LRP1B: variants seen among roughly 807,000 people sequenced by gnomAD.
LRP1B encodes the protein LDL receptor related protein 1B, also known as low-density lipoprotein receptor-related protein 1B.
In LRP1B, 217 loss-of-function variants were observed where a neutral mutation model predicts 556.6. The ratio of observed to expected loss-of-function variants is 0.39; its 90% CI spans 0.35 to 0.44. LRP1B has a LOEUF of 0.44. Ranked by LOEUF, LRP1B falls within the 20% of genes least tolerant of loss-of-function variation. LRP1B has a pLI of 1.00. For synonymous variants in LRP1B, 2,047 were observed against 1,865.8 expected, an observed-to-expected ratio of 1.10 and a Z score of -2.50; for missense variants, 5,053 against 5,620.8, an observed-to-expected ratio of 0.90 and a Z score of 3.23.
At chr2:142,081,251 G>GA (rs1705703174) in intron 1 of LRP1B, among the ~76,000 whole-genome samples, 1 of 151,982 alleles carries the variant, frequency 6.6e-6, no homozygotes, top group South Asian at 2.1e-4. Flanking sequence ...CAAGATGGAG[G>GA]AAAAAATATT....
At chr2:140,922,845 A>T (rs1351075387) in intron 21 of LRP1B, 120 bp downstream of exon 21, 24 of 761,662 alleles carry the variant, frequency 3.2e-5, no homozygotes, top group Non-Finnish European at 4.7e-5. Flanking sequence ...ATTATACATG[A>T]GCACATCTGC....
chr2:141,033,876 T>C (rs1452157822), intron 11 of LRP1B, among the ~76,000 whole-genome samples: 1 of 152,262 alleles, frequency 6.6e-6, no homozygotes, highest in South Asian at 2.1e-4. Context: ...AATTTTATAT[T>C]TTTTGTGTTC....
intron 35 of LRP1B, among the ~76,000 whole-genome samples, chr2:140,759,967 A>G (rs1688859898): frequency 6.6e-6 from 1 of 152,186 alleles, no homozygotes; most frequent in Admixed American, 6.6e-5. Flanking sequence ...CTTAAGTAAG[A>G]TTTGGCTTAA....
Position 141,501,914 on chromosome 2 carries a change from CTT to C in LRP1B, c.206-21383_206-21382del, listed in dbSNP as rs10714386. Among the ~76,000 whole-genome samples the C allele has an allele frequency of 9.3e-5, 14 of 151,296 alleles. 1 individual carries two copies. The South Asian group carries it at 2.7e-3, about 29-fold the overall frequency. ...GAGAAAGTGACTGAAACAACTATGG[CTT>C]TTTTTTTTCCTGTCTGTCAAATGTT... On this transcript the variant is annotated intron_variant, in intron 2 of 90. Coordinates refer to ENST00000389484, the MANE Select transcript of LRP1B (RefSeq NM_018557.3).
chr2:141,700,618 TC>T (rs1691908245), intron 2 of LRP1B, among the ~76,000 whole-genome samples: 1 of 151,756 alleles, frequency 6.6e-6, no homozygotes, highest in African/African-American at 2.4e-5. Context: ...GCGCTATTTC[TC>T]AGTGCCATTC....
intron 27 of LRP1B, among the ~76,000 whole-genome samples, chr2:140,860,993 TC>T (rs1469207668): frequency 0.018 from 2,807 of 152,100 alleles, 83 homozygotes; most frequent in African/African-American, 0.063. Flanking sequence ...TATCTATCTA[TC>T]TATCTATCTA....
At chr2:141,969,543 A>C (rs949413063) in intron 1 of LRP1B, among the ~76,000 whole-genome samples, 1 of 151,746 alleles carries the variant, frequency 6.6e-6, no homozygotes, top group Non-Finnish European at 1.5e-5. Flanking sequence ...TATTTCACTT[A>C]TAATGTTCAC....
chr2:141,032,120 T>C (rs942163633), intron 11 of LRP1B, among the ~76,000 whole-genome samples: 14 of 152,048 alleles, frequency 9.2e-5, no homozygotes, highest in Non-Finnish European at 1.8e-4. Flanking sequence ...CAAAAACTTT[T>C]GGATATACTT....
chr2:141,508,718 GTTTTC>G (rs761081139), intron 2 of LRP1B, among the ~76,000 whole-genome samples: 4 of 151,854 alleles, frequency 2.6e-5, no homozygotes, highest in Non-Finnish European at 4.4e-5. Context: ...AGAGGCAAGT[GTTTTC>G]TTTTCAAAGA....
chr2:141,922,664 G>A (rs944935903), intron 1 of LRP1B, among the ~76,000 whole-genome samples: 2 of 152,136 alleles, frequency 1.3e-5, no homozygotes, highest in Non-Finnish European at 2.9e-5. Context: ...TGGAATTGAG[G>A]AGTTCCAGGT....
chr2:140,960,699 T>C (rs1200341536), intron 18 of LRP1B, among the ~76,000 whole-genome samples: 3 of 151,930 alleles, frequency 2.0e-5, no homozygotes, highest in Non-Finnish European at 2.9e-5. Context: ...TAGTTAAAAG[T>C]ACTTTGTCCT....
intron 35 of LRP1B, among the ~76,000 whole-genome samples, chr2:140,737,564 C>G (rs998678968): frequency 5.3e-5 from 8 of 152,156 alleles, no homozygotes; most frequent in African/African-American, 1.9e-4. Context: ...TGAACACCAA[C>G]ACTAGTTAAT....
rs1355794089 is a variant in LRP1B, at chr2:140,550,165, CTT to C, written c.7195-8196_7195-8195del. On this transcript the variant is annotated intron_variant, in intron 43 of 90. Coordinates refer to ENST00000389484, the MANE Select transcript of LRP1B (RefSeq NM_018557.3). The stretch of plus-strand genomic sequence containing the variant: ...TCAAATGACCTGGCTGCACTCAAGA[CTT>C]TTAAAAACCTGGATTGAAAATTGCA... Among the ~76,000 whole-genome samples, 3 of 151,882 alleles carry C rather than the reference CTT, an allele frequency of 2.0e-5. No individual in the cohort carries two copies. In the South Asian group the frequency reaches 6.2e-4, roughly 31 times the overall value.
chr2:141,805,474 C>T (rs1297086038), intron 2 of LRP1B: 1 of 152,108 alleles, frequency 6.6e-6, no homozygotes, highest in East Asian at 1.9e-4. Context: ...ATGTAGACTA[C>T]ACCATATTGC....
chr2:140,945,938 C>T (rs768982472), intron 20 of LRP1B, among the ~76,000 whole-genome samples: 10 of 151,996 alleles, frequency 6.6e-5, no homozygotes, highest in Non-Finnish European at 1.5e-4. Context: ...AGAATGGGGG[C>T]AAGTCTTTGC....
intron 1 of LRP1B, among the ~76,000 whole-genome samples, chr2:141,871,742 A>T (rs1179504476): frequency 2.0e-5 from 3 of 151,986 alleles, no homozygotes; most frequent in Non-Finnish European, 4.4e-5. Flanking sequence ...TTTAATGTTA[A>T]AAAGGTGTTT....
chr2:140,872,787 T>A (rs2105166003), intron 25 of LRP1B, among the ~76,000 whole-genome samples: 1 of 152,122 alleles, frequency 6.6e-6, no homozygotes, highest in African/African-American at 2.4e-5. Context: ...AAATTAAGGC[T>A]ATTTAGCTGA....
intron 2 of LRP1B, among the ~76,000 whole-genome samples, chr2:141,494,498 A>C (rs1683445789): frequency 6.6e-6 from 1 of 152,074 alleles, no homozygotes; most frequent in South Asian, 2.1e-4. Flanking sequence ...GAGTGAGTTC[A>C]TATGACTGCC....
In LRP1B at chr2:140,501,700, G is replaced by T. The variant is rs769139255; in HGVS notation, c.8837C>A (p.Pro2946Gln). 2.5e-6 allele frequency: 4 copies of T among 1,608,462 alleles called. No homozygotes were observed. Among genetic ancestry groups the T allele is most frequent in the Non-Finnish European group, 3.4e-6 (4 of 1,176,894 alleles). The change falls in exon 55 of 91, where the codon CCG becomes CAG. Residue 2946 changes from proline to glutamine, a missense_variant. This residue lies in a region of LRP1B where 3,619 missense variants were observed against 3,931.9 expected (regional missense o/e 0.92). Transcript: ENST00000389484. The part of the protein sequence containing the change: ...SGCSQDCQDL[P>Q]VSYKCKCWPG... ...ATGAGTACCTACCTTATAACTGACC[G>T]GAAGGTCTTGACAGTCTTGAGAACA...
Sources: allele counts gnomAD v4.1 joint callset (sites outside exome capture counted in the v4.1 genomes callset), GRCh38; gene constraint gnomAD v4.1.1; regional missense constraint gnomAD v4.1.1; transcripts MANE v1.5; gene names NCBI Gene and HGNC (gene_info 2026-07-23, HGNC 2026-07-21).